Variants in IPO7 observed in about 807,000 individuals in gnomAD.
The protein encoded by IPO7 is importin-7.
IPO7 carries 13 observed loss-of-function variants against 136.4 expected under a neutral mutation model. The observed-to-expected ratio is 0.10, with a 90% CI of 0.06 to 0.15. IPO7 has a LOEUF of 0.15. Among genes scored for constraint, IPO7 ranks in the 10% least tolerant of loss-of-function variants. IPO7 has a pLI of 1.00. For synonymous variants in IPO7, 403 were observed against 404.4 expected (o/e 1.00, Z 0.04); for missense variants, 857 against 1,240.6 (o/e 0.69, Z 4.65).
Position 9,433,730 on chromosome 11 carries a change from A to T in IPO7, c.1958A>T (p.Glu653Val), listed in dbSNP as rs1855331591. ...TAGTATTCTCTTTTAGAATTCTATG[A>T]GGAGATCTTCTCTTTAGCGCACAGT... The part of the protein sequence containing the change: ...VLQQHVLEFY[E>V]EIFSLAHSLT... Residue 653 changes from glutamate (E) to valine (V), a missense_variant, in exon 18 of 25, where the codon GAG becomes GTG. Coordinates refer to ENST00000379719, the MANE Select transcript of IPO7 (RefSeq NM_006391.3). The T allele has an allele frequency of 6.2e-7, 1 of 1,612,678 alleles. No individual in the cohort carries two copies. Among genetic ancestry groups the T allele is most frequent in the Non-Finnish European group, 8.5e-7 (1 of 1,179,960 alleles).
intron 9 of IPO7, 55 bp from the exon 10 acceptor site, chr11:9,423,722 G>C: frequency 8.9e-7 from 1 of 1,128,690 alleles, no homozygotes; most frequent in South Asian, 1.4e-5. Flanking sequence ...AAGGAAATTT[G>C]AAGGTTTAAA....
intron 19 of IPO7, among the ~76,000 whole-genome samples, chr11:9,435,941 G>A (rs1346627265): frequency 6.6e-6 from 1 of 152,160 alleles, no homozygotes; most frequent in Non-Finnish European, 1.5e-5. Context: ...AAGGTTAGGT[G>A]TTTTAGCTAC....
chr11:9,384,896 G>C, intron 1 of IPO7, 49 bp downstream of exon 1: 2 of 1,461,190 alleles, frequency 1.4e-6, no homozygotes, highest in Non-Finnish European at 1.9e-6. Flanking sequence ...GTGGGCAGAA[G>C]TGGCAGGCCG....
rs1855411083 is a variant in IPO7, at chr11:9,438,262, A to C, written c.2672A>C (p.Glu891Ala). Residue 891 changes from glutamate (E) to alanine (A), a missense_variant, in exon 22 of 25, where the codon GAA (glutamate) becomes GCA (alanine). Physicochemically the swap from Glu to Ala is moderately radical, Grantham distance 107. Transcript: ENST00000379719. ...EHENDSDDDD[E>A]AEDDDETEEL... ...GAGAATGACAGTGATGATGATGATG[A>C]AGCTGAAGATGATGATGAAACCGGT... is the stretch of plus-strand genomic sequence containing the variant. The C allele has an allele frequency of 1.3e-6, 2 of 1,571,324 alleles. No homozygotes were observed. Among genetic ancestry groups the C allele is most frequent in the African/African-American group, 2.7e-5 (2 of 73,990 alleles).
chr11:9,429,001 C>T (rs1429979655), intron 13 of IPO7, 30 bp from the exon 14 acceptor site: 2 of 1,595,052 alleles, frequency 1.3e-6, no homozygotes, highest in East Asian at 2.2e-5. Context: ...GGTAAGGTAT[C>T]TACAGTAACT....
chr11:9,425,222 C>T lies in IPO7; in HGVS notation c.1295C>T (p.Ala432Val). The T allele has an allele frequency of 1.2e-6, 2 of 1,610,120 alleles. No homozygotes were observed. The highest frequency in any genetic ancestry group is 1.7e-6 in the Non-Finnish European group (2 of 1,177,108). The change falls in exon 12 of 25, where the codon GCC (alanine) becomes GTC (valine). Residue 432 changes from alanine to valine, a missense_variant. Ala to Val is a moderately conservative substitution (Grantham distance 64, BLOSUM62 0). Coordinates refer to ENST00000379719, the MANE Select transcript of IPO7 (RefSeq NM_006391.3). The part of the protein sequence containing the change: ...PNADPRKKDG[A>V]LHMIGSLAEI... ...GCTGACCCTCGAAAAAAAGATGGAG[C>T]CCTGCATATGATTGGCTCTTTAGCT...
chr11:9,440,320 T>G (rs1855444709), intron 22 of IPO7, 135 bp from the exon 23 acceptor site: 2 of 713,768 alleles, frequency 2.8e-6, no homozygotes, highest in South Asian at 3.6e-5. Flanking sequence ...GAACATGTAT[T>G]TAAACACCAA....
Position 9,423,157 on chromosome 11 carries a change from G to C in IPO7, c.1041+17G>C, listed in dbSNP as rs1442458824. 1 of 1,511,098 alleles carries C rather than the reference G, an allele frequency of 6.6e-7. No homozygotes were observed. 93.6% of individuals were successfully genotyped at this position (1,511,098 alleles called of 1,614,324 possible). On this transcript the variant is annotated intron_variant, in intron 9 of 24. Coordinates refer to ENST00000379719, the MANE Select transcript of IPO7 (RefSeq NM_006391.3). ...CATATACAAGTAATAATTTTTATCTGAAATGTTTTTATAGTAAATATAATA... is the reference window on the plus strand; with the variant it reads ...CATATACAAGTAATAATTTTTATCTCAAATGTTTTTATAGTAAATATAATA...
At chr11:9,438,928 G>A (rs1041246265) in intron 22 of IPO7, among the ~76,000 whole-genome samples, 1 of 131,214 alleles carries the variant, frequency 7.6e-6, no homozygotes, top group Admixed American at 7.9e-5. Context: ...AAATAATTAT[G>A]TATATAATAA....
At chr11:9,424,691 C>G (rs745611583) in intron 10 of IPO7, among the ~76,000 whole-genome samples, 1 of 152,132 alleles carries the variant, frequency 6.6e-6, no homozygotes, top group Non-Finnish European at 1.5e-5. Flanking sequence ...TACAATGAGC[C>G]GAGATCGCCC....
At chr11:9,385,097 C>T (rs144040141) in intron 1 of IPO7, among the ~76,000 whole-genome samples, 4 of 152,232 alleles carry the variant, frequency 2.6e-5, no homozygotes, top group South Asian at 4.1e-4. Context: ...CATGAGGAGC[C>T]GGCTGAGGCG....
chr11:9,422,513 G>A (rs867090654), intron 8 of IPO7, among the ~76,000 whole-genome samples: 3 of 152,180 alleles, frequency 2.0e-5, no homozygotes, highest in Middle Eastern at 6.8e-3. Flanking sequence ...ACCACATTTT[G>A]TGTGTCAGTG....
At chr11:9,419,415 G>A (rs1032920490) in intron 6 of IPO7, among the ~76,000 whole-genome samples, 1 of 151,582 alleles carries the variant, frequency 6.6e-6, no homozygotes, top group Non-Finnish European at 1.5e-5. Context: ...GGGCGTGGTG[G>A]TGCAAGCCTG....
chr11:9,428,809 A>G (rs767512781), intron 13 of IPO7, 180 bp downstream of exon 13: 10 of 782,318 alleles, frequency 1.3e-5, no homozygotes, highest in Admixed American at 3.4e-5. Context: ...TGTGTCTGGT[A>G]GCAGTGTCTG....
chr11:9,409,762 C>A (rs559193323), intron 3 of IPO7, among the ~76,000 whole-genome samples, 166 bp from the exon 4 acceptor site: 2 of 152,144 alleles, frequency 1.3e-5, no homozygotes, highest in Non-Finnish European at 2.9e-5. Flanking sequence ...TGCTGGTTTT[C>A]GTTTGCTCAG....
intron 5 of IPO7, among the ~76,000 whole-genome samples, chr11:9,416,479 C>T (rs1229198219): frequency 1.3e-5 from 2 of 152,130 alleles, no homozygotes; most frequent in East Asian, 1.9e-4. Flanking sequence ...AAAATACTTT[C>T]TCAACTCATT....
rs897630259 is a variant in IPO7, at chr11:9,437,639, T to G, written c.2269-115T>G. 9.8e-6 allele frequency: 7 copies of G among 717,576 alleles called. No homozygotes were observed. In the African/African-American group the frequency reaches 1.3e-4, roughly 13 times the overall value. 44.5% of individuals were successfully genotyped at this position (717,576 alleles called of 1,614,324 possible). ...CAGTGCAGTGCCTCAGCAGTAAATATTGGTCATCTAATGCTACAATAGGGT... is the reference window on the plus strand; with the variant it reads ...CAGTGCAGTGCCTCAGCAGTAAATAGTGGTCATCTAATGCTACAATAGGGT... On this transcript the variant is annotated intron_variant, in intron 20 of 24. Transcript: ENST00000379719.
chr11:9,397,341 A>AAAAAAAAAATATATAT lies in IPO7; in HGVS notation c.85-5948_85-5947insAAAAAAAATATATATA. 4.9e-3 allele frequency among the ~76,000 whole-genome samples: 53 copies of AAAAAAAAAATATATAT among 10,756 alleles called. 5 individuals carry two copies. The highest frequency in any genetic ancestry group is 8.4e-3 in the Admixed American group (4 of 478). The allele number at this position is 10,756 out of a possible 152,430, so 7.1% of individuals were successfully genotyped here. On this transcript the variant is annotated intron_variant, in intron 1 of 24. Transcript: ENST00000379719. ...CTTTACTAAAAATAATTTAAAAAAA[A>AAAAAAAAAATATATAT]ATATATATATATATATATATATATT... is the stretch of plus-strand genomic sequence containing the variant.
chr11:9,409,909 G>GTT lies in IPO7; in HGVS notation c.321-11_321-10dup. On this transcript the variant is annotated intron_variant, in intron 3 of 24. Coordinates refer to ENST00000379719, the MANE Select transcript of IPO7 (RefSeq NM_006391.3). ...ACCTAGTTAGGATTTTTTCCTTACTGTTTTTTTTTGGCTTCCAGGGTACAG... is the reference window on the plus strand; with the variant it reads ...ACCTAGTTAGGATTTTTTCCTTACTGTTTTTTTTTTTGGCTTCCAGGGTACAG... The GTT allele has an allele frequency of 1.2e-5, 17 of 1,448,892 alleles. No individual in the cohort carries two copies. Among genetic ancestry groups the GTT allele is most frequent in the South Asian group, 7.0e-5 (5 of 71,384 alleles). 89.8% of individuals were successfully genotyped at this position (1,448,892 alleles called of 1,614,324 possible).
Sources: allele counts gnomAD v4.1 joint callset (sites outside exome capture counted in the v4.1 genomes callset), GRCh38; gene constraint gnomAD v4.1.1; transcripts MANE v1.5; gene names NCBI Gene and HGNC (gene_info 2026-07-23, HGNC 2026-07-21).